Variants in TOX3 observed in about 807,000 individuals in gnomAD.
TOX3 encodes CAG trinucleotide repeat-containing gene F9 protein.
In TOX3, 22 loss-of-function variants were observed where a neutral mutation model predicts 64.3. That is an observed-to-expected ratio of 0.34 (90% CI 0.24 to 0.49). The LOEUF (loss-of-function observed/expected upper bound fraction) is 0.49. Ranked by LOEUF, TOX3 falls within the 20% of genes least tolerant of loss-of-function variation. The probability of loss-of-function intolerance (pLI) is 0.99; values close to 1 mark genes in which losing one functional copy is unlikely to be tolerated. For missense variants in TOX3, 661 were observed against 714.4 expected, an observed-to-expected ratio of 0.93 and a Z score of 0.85; for synonymous variants, 291 against 273.6, an observed-to-expected ratio of 1.06 and a Z score of -0.63.
intron 1 of TOX3, among the ~76,000 whole-genome samples, chr16:52,473,993 A>G (rs1961131544): frequency 6.6e-6 from 1 of 152,182 alleles, no homozygotes; most frequent in Non-Finnish European, 1.5e-5. Context: ...TAAAACTCCT[A>G]GATGAGGATC....
intron 1 of TOX3, among the ~76,000 whole-genome samples, chr16:52,522,386 T>C (rs1201339015): frequency 6.6e-6 from 1 of 152,202 alleles, no homozygotes; most frequent in Non-Finnish European, 1.5e-5. Context: ...AAATTTCTGG[T>C]TCCCCTTGAA....
At chr16:52,493,161 G>A (rs573092820) in intron 1 of TOX3, among the ~76,000 whole-genome samples, 2 of 152,222 alleles carry the variant, frequency 1.3e-5, no homozygotes, top group South Asian at 4.1e-4. Context: ...GGGGCAACGG[G>A]AACAGGATCT....
In TOX3 at chr16:52,446,225, C is replaced by T. The variant is rs1960158790; in HGVS notation, c.679-4G>A. 1 of 1,611,628 alleles carries T rather than the reference C, an allele frequency of 6.2e-7. No homozygotes were observed. Among genetic ancestry groups the T allele is most frequent in the Admixed American group, 1.7e-5 (1 of 59,548 alleles). On this transcript the variant is annotated splice_region_variant and splice_polypyrimidine_tract_variant and intron_variant, in intron 4 of 6. Transcript: ENST00000219746. ...CAGCTCTTTTCTCTCCAATGGCCTG[C>T]AAAGCAGGAAGAAAATTCACTGCCT... is the stretch of plus-strand genomic sequence containing the variant.
intron 1 of TOX3, among the ~76,000 whole-genome samples, chr16:52,530,438 G>C (rs773212058): frequency 2.6e-5 from 4 of 151,816 alleles, no homozygotes; most frequent in Non-Finnish European, 5.9e-5. Context: ...CCAGGTTCAA[G>C]CAATTCTCCG....
At chr16:52,538,912 G>T (rs1401046259) in intron 1 of TOX3, among the ~76,000 whole-genome samples, 1 of 152,016 alleles carries the variant, frequency 6.6e-6, no homozygotes, top group Non-Finnish European at 1.5e-5. Flanking sequence ...CCTGTGAGAA[G>T]CTCATGCGGA....
intron 1 of TOX3, among the ~76,000 whole-genome samples, chr16:52,532,371 C>T (rs1336634183): frequency 6.6e-6 from 1 of 152,312 alleles, no homozygotes; most frequent in Admixed American, 6.5e-5. Flanking sequence ...TTCTTGTGTA[C>T]TTTCCTGCTG....
intron 1 of TOX3, among the ~76,000 whole-genome samples, chr16:52,501,631 G>A (rs1465251222): frequency 6.6e-6 from 1 of 151,262 alleles, no homozygotes. Flanking sequence ...CTGCACTCCA[G>A]CCTGGGTGAC....
intron 1 of TOX3, among the ~76,000 whole-genome samples, chr16:52,491,069 C>T (rs45450394): frequency 1.5e-4 from 23 of 152,242 alleles, no homozygotes; most frequent in Non-Finnish European, 3.1e-4. Context: ...CCACAGTTAC[C>T]CACAGCCTAA....
In TOX3 at chr16:52,450,635, G is replaced by C. The variant is rs1960311171; in HGVS notation, c.409-89C>G. The C allele has an allele frequency of 2.0e-6, 3 of 1,526,670 alleles. No individual in the cohort carries two copies. In the Admixed American group the frequency reaches 5.3e-5, roughly 27 times the overall value. 94.6% of individuals were successfully genotyped at this position (1,526,670 alleles called of 1,614,324 possible). A position where few individuals can be genotyped will look rare whatever the true frequency, so the allele number is the denominator to read the frequency against. On this transcript the variant is annotated intron_variant, in intron 3 of 6. Coordinates refer to ENST00000219746, the MANE Select transcript of TOX3 (RefSeq NM_001080430.4). ...GGTTAGCATCTCCTTAGATAGGTTT[G>C]AACTGTTGCAATGTTGATAGGTCTG...
rs1596826243 is a variant in TOX3, at chr16:52,495,263, C to G, written c.88-26689G>C. On this transcript the variant is annotated intron_variant, in intron 1 of 6. Coordinates refer to ENST00000219746, the MANE Select transcript of TOX3 (RefSeq NM_001080430.4). ...GGAAACAGAAGAGCTTCCTAATTCC[C>G]CAAAATGCAATTCCCTGATGCCTTA... Among the ~76,000 whole-genome samples, 4 of 152,218 alleles carry G rather than the reference C, an allele frequency of 2.6e-5. No individual in the cohort carries two copies. The East Asian group carries it at 7.7e-4, about 29-fold the overall frequency.
At chr16:52,484,005 T>C (rs1961440326) in intron 1 of TOX3, among the ~76,000 whole-genome samples, 1 of 152,216 alleles carries the variant, frequency 6.6e-6, no homozygotes, top group African/African-American at 2.4e-5. Flanking sequence ...CAAGGAATCC[T>C]CATACTAGCC....
chr16:52,523,794 T>C (rs1157939871), intron 1 of TOX3, among the ~76,000 whole-genome samples: 6 of 152,210 alleles, frequency 3.9e-5, no homozygotes, highest in Admixed American at 3.9e-4. Context: ...TTGAAATCCA[T>C]TGTGCCATTT....
chr16:52,476,852 G>A (rs1567325565), intron 1 of TOX3, among the ~76,000 whole-genome samples: 1 of 152,100 alleles, frequency 6.6e-6, no homozygotes, highest in Admixed American at 6.6e-5. Flanking sequence ...ACTCAGTTTG[G>A]GTGATGAGAC....
intron 1 of TOX3, among the ~76,000 whole-genome samples, chr16:52,499,075 C>T (rs971761103): frequency 1.3e-5 from 2 of 151,948 alleles, no homozygotes; most frequent in Admixed American, 6.6e-5. Context: ...TTGATTATTC[C>T]GTAATAGTGA....
chr16:52,448,169 G>A (rs1201740671), intron 4 of TOX3, among the ~76,000 whole-genome samples: 1 of 152,174 alleles, frequency 6.6e-6, no homozygotes, highest in Non-Finnish European at 1.5e-5. Flanking sequence ...TAAAAGGGTT[G>A]AGACAGAAAG....
intron 1 of TOX3, among the ~76,000 whole-genome samples, chr16:52,530,361 G>A (rs1047811558): frequency 2.0e-5 from 3 of 149,974 alleles, no homozygotes; most frequent in African/African-American, 7.4e-5. Context: ...TTTTGAGACA[G>A]TGTCTCACTC....
Position 52,532,650 on chromosome 16 carries a change from C to T in TOX3, c.87+13987G>A, listed in dbSNP as rs185635065. ...AAGTTTAGAGGCGGTTTATCACTCG[C>T]GATAGATAACTGGTACAGACAACAC... On this transcript the variant is annotated intron_variant, in intron 1 of 6. Transcript: ENST00000219746. Among the ~76,000 whole-genome samples, 16 of 152,240 alleles carry T rather than the reference C, an allele frequency of 1.1e-4. No individual in the cohort carries two copies. The East Asian group carries it at 1.5e-3, about 15-fold the overall frequency.
chr16:52,439,642 G>A lies in TOX3; in HGVS notation c.1314C>T (p.Thr438=), dbSNP rs1251081867. The A allele has an allele frequency of 1.9e-6, 3 of 1,613,742 alleles. No individual in the cohort carries two copies. In the Admixed American group the frequency reaches 5.0e-5, roughly 27 times the overall value. Residue 438 remains threonine (T), a synonymous_variant, in exon 7 of 7, where the codon ACC becomes ACT. Transcript: ENST00000219746. ...PSTQVSPSVQ[T]QQHQMQLQQQ... ...GCTGCAATTGCATCTGATGCTGCTGGGTTTGCACCGAAGGACTCACTTGGG... is the reference window on the plus strand; with the variant it reads ...GCTGCAATTGCATCTGATGCTGCTGAGTTTGCACCGAAGGACTCACTTGGG...
chr16:52,468,256 C>G (rs2052287), intron 2 of TOX3, among the ~76,000 whole-genome samples: 81,440 of 151,952 alleles, frequency 0.54, 22,186 homozygotes, highest in East Asian at 0.78. Context: ...TATATATTTA[C>G]TTTTTGTTTG....
Sources: gnomAD v4.1 joint callset for allele counts (sites outside exome capture counted in the v4.1 genomes callset) on GRCh38, gnomAD v4.1.1 for gene constraint, MANE v1.5 for transcripts, NCBI Gene and HGNC (gene_info 2026-07-23, HGNC 2026-07-21) for gene names.